Variants in CR1 observed in about 807,000 individuals in gnomAD.
CR1 encodes complement C3b/C4b receptor 1 (Knops blood group).
In CR1, 116 loss-of-function variants were observed where a neutral mutation model predicts 187.3. That is an observed-to-expected ratio of 0.62 (90% CI 0.53 to 0.72). The LOEUF is 0.72. Ranked by LOEUF, CR1 falls within the 30% of genes least tolerant of loss-of-function variation. The pLI, the probability that CR1 is intolerant of heterozygous loss-of-function variation, is 0.00. For missense variants in CR1, 1,731 were observed against 2,110.7 expected (o/e 0.82, Z 3.52); for synonymous variants, 576 against 747.1 (o/e 0.77, Z 3.73).
chr1:207,500,129 T>C (rs140057871), intron 1 of CR1, among the ~76,000 whole-genome samples: 6 of 152,342 alleles, frequency 3.9e-5, no homozygotes, highest in African/African-American at 1.2e-4. Context: ...TTACATTCAC[T>C]ATTGTGAACA....
intron 31 of CR1, among the ~76,000 whole-genome samples, chr1:207,581,502 G>A (rs1660956062): frequency 7.0e-6 from 1 of 142,264 alleles, no homozygotes; most frequent in Non-Finnish European, 1.5e-5. Context: ...GACATGAAGA[G>A]ATAAATAAAT....
chr1:207,566,435 G>T (rs1313730807), intron 24 of CR1, among the ~76,000 whole-genome samples: 2 of 149,874 alleles, frequency 1.3e-5, no homozygotes, highest in Non-Finnish European at 2.9e-5. Context: ...CACATACTTT[G>T]TGCCTGATGT....
intron 35 of CR1, among the ~76,000 whole-genome samples, chr1:207,598,282 T>A (rs931804782): frequency 6.6e-5 from 10 of 152,114 alleles, no homozygotes; most frequent in African/African-American, 2.4e-4. Context: ...AAAAAATTTT[T>A]AAATATATCA....
rs143138388 is a variant in CR1, at chr1:207,634,473, G to A, written c.7457+3852G>A. On this transcript the variant is annotated intron_variant, in intron 46 of 46. Coordinates refer to ENST00000367049, the MANE Select transcript of CR1 (RefSeq NM_000651.6). ...ACCTTGTGCACCCAGGTTCTGGGGC[G>A]GAGTAAAGAGGCAGGCTCCAAAGAC... Among the ~76,000 whole-genome samples, 1,507 of 152,120 alleles carry A rather than the reference G, an allele frequency of 9.9e-3. 22 individuals carry two copies. Among genetic ancestry groups the A allele is most frequent in the African/African-American group, 0.034 (1,418 of 41,408 alleles).
chr1:207,618,827 T>C (rs1662222757), intron 42 of CR1, among the ~76,000 whole-genome samples: 1 of 148,220 alleles, frequency 6.7e-6, no homozygotes, highest in Non-Finnish European at 1.5e-5. Context: ...GGGAAGATCA[T>C]GTCAAGAGAT....
intron 4 of CR1, among the ~76,000 whole-genome samples, chr1:207,518,350 TAC>T: frequency 6.6e-6 from 1 of 152,238 alleles, no homozygotes; most frequent in East Asian, 1.9e-4. Context: ...CACTTGAATG[TAC>T]AGTTATTTTG....
intron 1 of CR1, among the ~76,000 whole-genome samples, chr1:207,503,435 T>C (rs1659335023): frequency 6.6e-6 from 1 of 152,196 alleles, no homozygotes; most frequent in Non-Finnish European, 1.5e-5. Context: ...ACGTCTAAAA[T>C]AGATCCATAG....
chr1:207,523,434 C>G (rs750821007), intron 4 of CR1, among the ~76,000 whole-genome samples, 177 bp from the exon 5 acceptor site: 4 of 152,124 alleles, frequency 2.6e-5, no homozygotes, highest in Admixed American at 6.5e-5. Context: ...GTAAGAAAGG[C>G]AGGACACATC....
intron 24 of CR1, among the ~76,000 whole-genome samples, chr1:207,566,363 T>TTA (rs1317554732): frequency 2.7e-5 from 4 of 149,836 alleles, no homozygotes; most frequent in Non-Finnish European, 2.9e-5. Flanking sequence ...AGTCTACAAT[T>TTA]TATATATATA....
At chr1:207,510,724 C>CCCTTCCTTCCTTCCTTCCTTCCTT (rs1044541628) in intron 3 of CR1, among the ~76,000 whole-genome samples, 1 of 89,926 alleles carries the variant, frequency 1.1e-5, no homozygotes, top group Non-Finnish European at 2.3e-5. Context: ...GTTATGTATC[C>CCCTTCCTTCCTTCCTTCCTTCCTT]CCTTCCTTCC....
At chr1:207,637,042 C>G (rs756921655) in intron 46 of CR1, among the ~76,000 whole-genome samples, 1 of 152,164 alleles carries the variant, frequency 6.6e-6, no homozygotes, top group Non-Finnish European at 1.5e-5. Context: ...CTTACGATCT[C>G]GTTTCTAAAG....
At chr1:207,623,587 A>AACACAC (rs55918544) in intron 45 of CR1, among the ~76,000 whole-genome samples, 25 of 144,226 alleles carry the variant, frequency 1.7e-4, no homozygotes, top group Non-Finnish European at 2.3e-4. Flanking sequence ...TACATCTCAA[A>AACACAC]ACACACACAC....
At chr1:207,591,815 A>C (rs1661281806) in intron 35 of CR1, among the ~76,000 whole-genome samples, 1 of 152,148 alleles carries the variant, frequency 6.6e-6, no homozygotes, top group African/African-American at 2.4e-5. Flanking sequence ...TACTATAAAC[A>C]CCTCTACGCA....
chr1:207,503,992 A>G (rs1445062666), intron 1 of CR1, among the ~76,000 whole-genome samples: 1 of 152,252 alleles, frequency 6.6e-6, no homozygotes, highest in Non-Finnish European at 1.5e-5. Flanking sequence ...ATTGTGAAGA[A>G]GGAAAAATAA....
chr1:207,507,489 AAGTGCTCTC>A (rs1659477031), intron 3 of CR1: 2 of 152,188 alleles, frequency 1.3e-5, no homozygotes, highest in Admixed American at 6.6e-5. Context: ...GCTGTGTCGA[AAGTGCTCTC>A]TTTTAATAAG....
chr1:207,582,895 G>A (rs1240990639), intron 32 of CR1, among the ~76,000 whole-genome samples: 1 of 152,234 alleles, frequency 6.6e-6, no homozygotes, highest in African/African-American at 2.4e-5. Flanking sequence ...TGAAGTTTGG[G>A]AATGGGGGAA....
intron 35 of CR1, among the ~76,000 whole-genome samples, chr1:207,592,719 C>A (rs918299008): frequency 6.6e-6 from 1 of 152,082 alleles, no homozygotes; most frequent in East Asian, 1.9e-4. Flanking sequence ...TTAAAATATC[C>A]GTAATCTGAT....
chr1:207,616,685 G>A lies in CR1; in HGVS notation c.6772G>A (p.Asp2258Asn), dbSNP rs749107552. The part of the protein sequence containing the change: ...EISYACDTHP[D>N]RGMTFNLIGE... ...ATCTTACGCATGCGACACCCACCCA[G>A]ACAGAGGGATGACCTTCAACCTCAT... The change falls in exon 41 of 47, where the codon GAC becomes AAC. Residue 2258 changes from aspartate (D) to asparagine (N), a missense_variant. By Grantham distance (23) the Asp-to-Asn change is conservative (BLOSUM62 1). Coordinates refer to ENST00000367049, the MANE Select transcript of CR1 (RefSeq NM_000651.6). 1.1e-5 allele frequency: 18 copies of A among 1,613,818 alleles called. No homozygotes were observed. The Middle Eastern group carries it at 4.9e-4, about 44-fold the overall frequency.
At chr1:207,509,968 G>A (rs970049305) in intron 3 of CR1, among the ~76,000 whole-genome samples, 14 of 152,140 alleles carry the variant, frequency 9.2e-5, no homozygotes, top group African/African-American at 3.4e-4. Context: ...AGCACTTTGG[G>A]AGGCTGAGGT....
Sources: allele counts gnomAD v4.1 joint callset (sites outside exome capture counted in the v4.1 genomes callset), GRCh38; gene constraint gnomAD v4.1.1; transcripts MANE v1.5; gene names NCBI Gene and HGNC (gene_info 2026-07-23, HGNC 2026-07-21).